Variants in IFNGR2 observed in about 807,000 individuals in gnomAD.
IFNGR2 encodes the protein IFN-gamma receptor 2.
IFNGR2 carries 15 observed loss-of-function variants against 41.1 expected under a neutral mutation model. The ratio of observed to expected loss-of-function variants is 0.37; its 90% confidence interval spans 0.24 to 0.56. IFNGR2 has a LOEUF of 0.56. Ranked by LOEUF, IFNGR2 falls within the 20% of genes least tolerant of loss-of-function variation. IFNGR2 has a pLI of 0.81. For missense variants in IFNGR2, 362 were observed against 415.7 expected (o/e 0.87, Z 1.12); for synonymous variants, 161 against 171.6 (o/e 0.94, Z 0.48).
intron 1 of IFNGR2, among the ~76,000 whole-genome samples, chr21:33,404,350 C>T (rs1257305434): frequency 6.6e-6 from 1 of 152,224 alleles, no homozygotes; most frequent in Non-Finnish European, 1.5e-5. Flanking sequence ...AGAGATGGGG[C>T]AGCAGCATTC....
intron 1 of IFNGR2, among the ~76,000 whole-genome samples, chr21:33,411,787 C>T (rs1054654209): frequency 6.6e-6 from 1 of 152,360 alleles, no homozygotes; most frequent in South Asian, 2.1e-4. Flanking sequence ...GAAATGGATT[C>T]TCCCTGGAGG....
At chr21:33,427,153 G>A (rs2083845712) in intron 4 of IFNGR2, 121 bp downstream of exon 4, 5 of 881,636 alleles carry the variant, frequency 5.7e-6, no homozygotes, top group Non-Finnish European at 5.7e-6. Flanking sequence ...TGTCCCCATA[G>A]AGGCTGAGCC....
chr21:33,437,233 T>C lies in IFNGR2; in HGVS notation c.*271T>C, dbSNP rs1226037874. The C allele has an allele frequency of 1.2e-5, 5 of 422,002 alleles. No homozygotes were observed. The highest frequency in any genetic ancestry group is 2.2e-5 in the Non-Finnish European group (5 of 229,324). The allele number at this position is 422,002 out of a possible 1,614,324, so 26.1% of individuals were successfully genotyped here. A position where few individuals can be genotyped will look rare whatever the true frequency, so the allele number is the denominator to read the frequency against. ...TCTTAAACACTAAAAAGGCATGTAA[T>C]TGCTTGTTAGCAAAATGGATATGAC... On this transcript the variant is annotated 3_prime_UTR_variant, in exon 7 of 7. Transcript: ENST00000290219.
Position 33,403,562 on chromosome 21 carries a change from T to TGGTCGCTGCTGC in IFNGR2, c.20_31dup (p.Leu10_Leu11insArgSerLeuLeu), listed in dbSNP as rs1466765626. ...CGGGGCCATGCGACCGACGCTGCTG[T>TGGTCGCTGCTGC]GGTCGCTGCTGCTGCTGCTCGGAGT... On this transcript the variant is annotated inframe_insertion, in exon 1 of 7. Transcript: ENST00000290219. The TGGTCGCTGCTGC allele has an allele frequency of 2.9e-5, 40 of 1,360,550 alleles. No individual in the cohort carries two copies. The highest frequency in any genetic ancestry group is 2.8e-4 in the Middle Eastern group (1 of 3,630). The allele number at this position is 1,360,550 out of a possible 1,614,324, so 84.3% of individuals were successfully genotyped here. A position where few individuals can be genotyped will look rare whatever the true frequency, so the allele number is the denominator to read the frequency against.
chr21:33,408,088 C>T (rs1396315218), intron 1 of IFNGR2, among the ~76,000 whole-genome samples: 1 of 152,012 alleles, frequency 6.6e-6, no homozygotes, highest in Non-Finnish European at 1.5e-5. Flanking sequence ...AGGGTCAGTC[C>T]TTAATTATCA....
intron 5 of IFNGR2, 46 bp downstream of exon 5, chr21:33,432,382 C>T (rs2083897571): frequency 6.4e-7 from 1 of 1,554,522 alleles, no homozygotes; most frequent in African/African-American, 1.4e-5. Flanking sequence ...GAAAAGAATA[C>T]TCCTCCAATA....
intron 2 of IFNGR2, among the ~76,000 whole-genome samples, chr21:33,415,439 T>G (rs1424892432): frequency 1.3e-5 from 2 of 152,212 alleles, no homozygotes; most frequent in African/African-American, 4.8e-5. Flanking sequence ...TACAATGAAT[T>G]CTGAGTTTCT....
intron 4 of IFNGR2, among the ~76,000 whole-genome samples, chr21:33,428,414 G>A (rs1461356716): frequency 1.3e-5 from 2 of 151,394 alleles, no homozygotes; most frequent in East Asian, 3.9e-4. Flanking sequence ...TTTTTATAGA[G>A]ATGGGGTTTT....
chr21:33,418,499 G>A (rs2083769084), intron 2 of IFNGR2, among the ~76,000 whole-genome samples: 1 of 152,100 alleles, frequency 6.6e-6, no homozygotes, highest in Admixed American at 6.6e-5. Context: ...TTTGTTTTTA[G>A]ATACTTTGTT....
Position 33,405,118 on chromosome 21 carries a change from A to G in IFNGR2, c.73+1502A>G, listed in dbSNP as rs997562363. On this transcript the variant is annotated intron_variant, in intron 1 of 6. Transcript: ENST00000290219. ...CTCTGTCTCAGAAAAAAAAAAAAAA[A>G]AAAAAGAAAAAGAGGAAAAGACCTT... Among the ~76,000 whole-genome samples the G allele has an allele frequency of 2.0e-4, 30 of 151,444 alleles. No individual in the cohort carries two copies. In the East Asian group the frequency reaches 2.7e-3, roughly 14 times the overall value.
rs750203174 is a variant in IFNGR2 at position 33,432,886 on chromosome 21, ATC to A, written c.879+19_879+20del. The A allele has an allele frequency of 3.1e-3, 4,657 of 1,511,126 alleles. 19 individuals are homozygous for A. Among genetic ancestry groups the A allele is most frequent in the Non-Finnish European group, 3.4e-3 (3,732 of 1,111,010 alleles). 93.6% of individuals were successfully genotyped at this position (1,511,126 alleles called of 1,614,324 possible). On this transcript the variant is annotated intron_variant, in intron 6 of 6. Transcript: ENST00000290219. ...AGATAGAAGAGGTACGTGTGCACAC[ATC>A]TCTTTTTTTTTTTTTGAGACAGGGT...
At chr21:33,404,171 G>T (rs1222941379) in intron 1 of IFNGR2, among the ~76,000 whole-genome samples, 1 of 152,264 alleles carries the variant, frequency 6.6e-6, no homozygotes, top group Non-Finnish European at 1.5e-5. Context: ...CTTAGTCCCC[G>T]CCTGGAGTGC....
intron 2 of IFNGR2, among the ~76,000 whole-genome samples, chr21:33,417,309 C>T (rs1437261532): frequency 1.3e-5 from 2 of 152,102 alleles, no homozygotes; most frequent in Non-Finnish European, 1.5e-5. Context: ...AGGCTGGCCT[C>T]GAACTCCTGG....
At chr21:33,403,400 G>A (rs981635023), upstream of IFNGR2, 2 of 300,618 alleles carry the variant, frequency 6.7e-6, no homozygotes, top group Non-Finnish European at 1.0e-5. Context: ...CCCCTCCACC[G>A]GGACGCCCCG....
At position 33,432,753 on chromosome 21, in the gene IFNGR2, G is replaced by A; in HGVS notation, c.761G>A (p.Gly254Glu). The A allele has an allele frequency of 6.2e-7, 1 of 1,614,098 alleles. No individual in the cohort carries two copies. Among genetic ancestry groups the A allele is most frequent in the Non-Finnish European group, 8.5e-7 (1 of 1,180,016 alleles). Reference sequence around the variant, plus strand: ...CAGCAAGTCATCCTGATCTCCGTGGGAACATTTTCGTTGCTGTCGGTGCTG... The same window carrying A: ...CAGCAAGTCATCCTGATCTCCGTGGAAACATTTTCGTTGCTGTCGGTGCTG... ...ELQQVILISV[G>E]TFSLLSVLAG... The change falls in exon 6 of 7, where the codon GGA (glycine) becomes GAA (glutamate). Residue 254 changes from glycine (G) to glutamate (E), a missense_variant. Coordinates refer to ENST00000290219, the MANE Select transcript of IFNGR2 (RefSeq NM_005534.4).
intron 4 of IFNGR2, among the ~76,000 whole-genome samples, chr21:33,427,843 TC>T (rs67816861): frequency 0.02 from 626 of 30,578 alleles, 48 homozygotes; most frequent in African/African-American, 0.16. Context: ...TCTCATTTCA[TC>T]TTTTTTTTTT....
chr21:33,410,924 T>A, intron 1 of IFNGR2: 1 of 1,394,846 alleles, frequency 7.2e-7, no homozygotes, highest in Non-Finnish European at 1.0e-6. Context: ...GTAACCTGTA[T>A]GAAACCTGCA....
At chr21:33,431,699 T>C (rs1665153290) in intron 4 of IFNGR2, among the ~76,000 whole-genome samples, 1 of 152,250 alleles carries the variant, frequency 6.6e-6, no homozygotes, top group Non-Finnish European at 1.5e-5. Context: ...GCCTCCCATG[T>C]AGCTGGGATT....
At chr21:33,405,844 A>G (rs1012174318) in intron 1 of IFNGR2, among the ~76,000 whole-genome samples, 17 of 151,532 alleles carry the variant, frequency 1.1e-4, no homozygotes, top group Non-Finnish European at 2.4e-4. Context: ...CAGGCTGGTC[A>G]ACAATGATGA....
Sources: allele counts gnomAD v4.1 joint callset (sites outside exome capture counted in the v4.1 genomes callset), GRCh38; gene constraint gnomAD v4.1.1; transcripts MANE v1.5; gene names NCBI Gene and HGNC (gene_info 2026-07-23, HGNC 2026-07-21).